The following USP50 variants were observed in gnomAD, a reference collection of about 807,000 sequenced individuals.
The protein encoded by USP50 is ubiquitin carboxyl-terminal hydrolase 50.
USP50 carries 37 observed loss-of-function variants against 39.2 expected under a neutral mutation model. That is an observed-to-expected ratio of 0.94 (90% CI 0.73 to 1.24). USP50 has a LOEUF of 1.24. Among genes scored for constraint, USP50 ranks in the 50% most tolerant of loss-of-function variants. The pLI is 0.00. For missense variants in USP50, 374 were observed against 398.2 expected (o/e 0.94, Z 0.52); for synonymous variants, 139 against 144.5 (o/e 0.96, Z 0.27).
At chr15:50,528,881 G>C (rs922151006) in intron 6 of USP50, among the ~76,000 whole-genome samples, 1 of 152,190 alleles carries the variant, frequency 6.6e-6, no homozygotes, top group African/African-American at 2.4e-5. Flanking sequence ...TCCGGTGGGA[G>C]TCTCAACCAT....
At chr15:50,516,996 A>C (rs931116016) in intron 6 of USP50, among the ~76,000 whole-genome samples, 2 of 152,174 alleles carry the variant, frequency 1.3e-5, no homozygotes, top group African/African-American at 4.8e-5. Flanking sequence ...CACTTGCAAC[A>C]ATGAACACAT....
At chr15:50,525,578 G>A (rs529717383) in intron 6 of USP50, among the ~76,000 whole-genome samples, 3 of 141,216 alleles carry the variant, frequency 2.1e-5, no homozygotes, top group African/African-American at 7.9e-5. Context: ...ATATGTATAT[G>A]TATATATGTA....
At chr15:50,541,793 T>C (rs1362525669) in intron 3 of USP50, among the ~76,000 whole-genome samples, 1 of 152,102 alleles carries the variant, frequency 6.6e-6, no homozygotes, top group Non-Finnish European at 1.5e-5. Context: ...TAAGCTAAAT[T>C]AGCATTAGTT....
intron 6 of USP50, 25 bp downstream of exon 6, chr15:50,529,772 C>T: frequency 2.5e-6 from 4 of 1,606,236 alleles, no homozygotes; most frequent in East Asian, 2.2e-5. Context: ...AATTGGATTA[C>T]TTTTAACAGT....
At chr15:50,525,550 ATATG>A (rs139522556) in intron 6 of USP50, among the ~76,000 whole-genome samples, 34,124 of 117,518 alleles carry the variant, frequency 0.29, 6,001 homozygotes, top group East Asian at 0.55. Flanking sequence ...ATATATGTAT[ATATG>A]TGTATATATG....
At chr15:50,536,275 G>A (rs993641661) in intron 5 of USP50, among the ~76,000 whole-genome samples, 2 of 152,188 alleles carry the variant, frequency 1.3e-5, no homozygotes, top group African/African-American at 4.8e-5. Context: ...AACAATTATA[G>A]CAAGATTGTA....
At position 50,500,739 on chromosome 15, in the gene USP50, C is replaced by A. The variant is rs535476757; in HGVS notation, c.*30G>T. 1.0e-5 allele frequency: 16 copies of A among 1,564,470 alleles called. No homozygotes were observed. The South Asian group carries it at 1.6e-4, about 16-fold the overall frequency. On this transcript the variant is annotated 3_prime_UTR_variant, in exon 7 of 7. Coordinates refer to ENST00000532404, the MANE Select transcript of USP50 (RefSeq NM_203494.5). The stretch of plus-strand genomic sequence containing the variant: ...CATTTTGAACAGAAGTATCTGGAAT[C>A]TCACTGACTCGTGTGTTATCAAAGC...
chr15:50,525,548 A>ATG (rs1566907516), intron 6 of USP50, among the ~76,000 whole-genome samples: 4 of 87,044 alleles, frequency 4.6e-5, no homozygotes, highest in African/African-American at 1.0e-4. Flanking sequence ...GTATATATGT[A>ATG]TATATGTGTA....
At chr15:50,520,972 G>A (rs1194119544) in intron 6 of USP50, among the ~76,000 whole-genome samples, 1 of 152,156 alleles carries the variant, frequency 6.6e-6, no homozygotes, top group Non-Finnish European at 1.5e-5. Flanking sequence ...TAGAAGATTG[G>A]AAATATTTCC....
chr15:50,499,783 A>AC (rs1326311090), downstream of USP50: 1 of 152,116 alleles, frequency 6.6e-6, no homozygotes, highest in Admixed American at 6.6e-5. Flanking sequence ...ATAATTTATA[A>AC]CCCTGTGGGT....
chr15:50,528,590 T>C (rs1372757530), intron 6 of USP50, among the ~76,000 whole-genome samples: 8 of 152,138 alleles, frequency 5.3e-5, no homozygotes, highest in Non-Finnish European at 1.0e-4. Flanking sequence ...GAGTCTGCAT[T>C]TGATATAATA....
At chr15:50,521,963 C>CA (rs1307046138) in intron 6 of USP50, among the ~76,000 whole-genome samples, 1 of 152,080 alleles carries the variant, frequency 6.6e-6, no homozygotes, top group Non-Finnish European at 1.5e-5. Context: ...GACTCCATCT[C>CA]AAAAAACAGC....
chr15:50,528,442 T>C (rs979162792), intron 6 of USP50, among the ~76,000 whole-genome samples: 5 of 152,116 alleles, frequency 3.3e-5, no homozygotes, highest in African/African-American at 1.2e-4. Context: ...GCCACTGAGC[T>C]CAGCAATAAT....
chr15:50,493,396 A>G (rs1415082882), downstream of USP50: 2 of 519,180 alleles, frequency 3.9e-6, no homozygotes, highest in Admixed American at 3.9e-5. Context: ...CTTTCAAACC[A>G]TAGTACTTAC....
chr15:50,508,096 A>G, intron 6 of USP50: 1 of 133,602 alleles, frequency 7.5e-6, no homozygotes, highest in Non-Finnish European at 1.6e-5. Flanking sequence ...AAAAAAAAAG[A>G]TTAGTTTAAT....
intron 6 of USP50, chr15:50,511,574 T>C (rs2052739187): frequency 6.6e-6 from 1 of 152,242 alleles, no homozygotes; most frequent in Non-Finnish European, 1.5e-5. Flanking sequence ...TACAATGGAA[T>C]ATTATTTGGC....
At chr15:50,528,661 G>C (rs1469449284) in intron 6 of USP50, among the ~76,000 whole-genome samples, 8 of 152,146 alleles carry the variant, frequency 5.3e-5, no homozygotes, top group Admixed American at 1.3e-4. Flanking sequence ...AACCATGTTT[G>C]GGAGCAGGAT....
chr15:50,495,219 C>T (rs2052331397), intron 1 of USP50, among the ~76,000 whole-genome samples: 1 of 138,002 alleles, frequency 7.2e-6, no homozygotes, highest in Non-Finnish European at 1.6e-5. Flanking sequence ...CACACCTACA[C>T]AAAAATATTT....
At chr15:50,496,734 T>C (rs2052428487), downstream of USP50, among the ~76,000 whole-genome samples, 1 of 152,174 alleles carries the variant, frequency 6.6e-6, no homozygotes, top group African/African-American at 2.4e-5. Flanking sequence ...CAAATAAATA[T>C]CCTGTTTTCC....
Sources: allele counts gnomAD v4.1 joint callset (sites outside exome capture counted in the v4.1 genomes callset), GRCh38; gene constraint gnomAD v4.1.1; transcripts MANE v1.5; gene names NCBI Gene and HGNC (gene_info 2026-07-23, HGNC 2026-07-21).